Variants in GRID2 observed in about 807,000 individuals in gnomAD.
GRID2 encodes glutamate ionotropic receptor delta type subunit 2, also known as glutamate receptor ionotropic, delta-2.
A neutral mutation model predicts 114.8 loss-of-function variants in GRID2; 33 were observed. The observed-to-expected ratio is 0.29, with a 90% confidence interval of 0.22 to 0.38. The LOEUF is 0.38. Among genes scored for constraint, GRID2 ranks in the 10% least tolerant of loss-of-function variants. The pLI is 1.00. For synonymous variants in GRID2, 505 were observed against 449.9 expected (o/e 1.12, Z -1.55); for missense variants, 1,184 against 1,257.7 (o/e 0.94, Z 0.89).
chr4:93,597,744 T>C (rs1739245368), intron 13 of GRID2, among the ~76,000 whole-genome samples: 1 of 152,214 alleles, frequency 6.6e-6, no homozygotes, highest in African/African-American at 2.4e-5. Flanking sequence ...TGCTTCTTTC[T>C]ACTTCTTTTG....
chr4:92,806,652 TATTAATA>T (rs1237726774), intron 2 of GRID2, among the ~76,000 whole-genome samples: 6 of 151,942 alleles, frequency 3.9e-5, no homozygotes, highest in African/African-American at 1.4e-4. Context: ...TAATCTAAGA[TATTAATA>T]ATTATTATTT....
At chr4:93,775,087 C>T (rs983532802), downstream of GRID2, among the ~76,000 whole-genome samples, 8 of 150,212 alleles carry the variant, frequency 5.3e-5, no homozygotes, top group East Asian at 3.9e-4. Flanking sequence ...ATTCTTCCAG[C>T]GTTTAACACA....
chr4:93,071,410 G>A (rs1728792470), intron 2 of GRID2, among the ~76,000 whole-genome samples: 1 of 152,006 alleles, frequency 6.6e-6, no homozygotes, highest in Admixed American at 6.6e-5. Context: ...AACACATAAA[G>A]CTCCTGCTCT....
intron 1 of GRID2, among the ~76,000 whole-genome samples, chr4:92,577,472 C>A (rs1011999659): frequency 1.3e-5 from 2 of 152,134 alleles, no homozygotes; most frequent in African/African-American, 4.8e-5. Flanking sequence ...TGAACTTAGT[C>A]ATCTGGGCAG....
At chr4:92,622,005 CAT>C (rs1730300052) in intron 2 of GRID2, among the ~76,000 whole-genome samples, 1 of 151,650 alleles carries the variant, frequency 6.6e-6, no homozygotes, top group South Asian at 2.1e-4. Flanking sequence ...ATAGAACAAT[CAT>C]GTTTGTTATT....
chr4:92,316,887 A>C (rs763941837), intron 1 of GRID2, among the ~76,000 whole-genome samples: 15 of 152,198 alleles, frequency 9.9e-5, no homozygotes, highest in Non-Finnish European at 1.6e-4. Flanking sequence ...TATTGTAGCT[A>C]TAGGCTACAA....
At chr4:93,709,643 C>T (rs143430916) in intron 14 of GRID2, among the ~76,000 whole-genome samples, 33 of 152,232 alleles carry the variant, frequency 2.2e-4, no homozygotes, top group Non-Finnish European at 4.4e-4. Context: ...GAAAGATCTG[C>T]GTTATTGTCC....
chr4:92,664,534 T>C (rs892595975), intron 2 of GRID2, among the ~76,000 whole-genome samples: 6 of 151,156 alleles, frequency 4.0e-5, no homozygotes, highest in Non-Finnish European at 8.9e-5. Flanking sequence ...TTGTTGGGTA[T>C]CATGTTCTTT....
chr4:93,099,308 C>A (rs1731500132), intron 3 of GRID2, among the ~76,000 whole-genome samples: 1 of 151,180 alleles, frequency 6.6e-6, no homozygotes, highest in South Asian at 2.1e-4. Flanking sequence ...TAGAACATAC[C>A]CTTTGAAAGT....
At chr4:93,702,560 C>T (rs1394114217) in intron 14 of GRID2, among the ~76,000 whole-genome samples, 1 of 152,064 alleles carries the variant, frequency 6.6e-6, no homozygotes, top group East Asian at 1.9e-4. Flanking sequence ...GTACATATCT[C>T]CTTTGGCATG....
At position 92,369,263 on chromosome 4, in the gene GRID2, TC is replaced by T. The variant is rs200331106; in HGVS notation, c.88+64523del. Among the ~76,000 whole-genome samples the T allele has an allele frequency of 9.5e-4, 144 of 152,220 alleles. 2 individuals are homozygous for T. The East Asian group carries it at 0.024, about 25-fold the overall frequency. ...AAGAAAGAATTTCCCCTCATACATG[TC>T]CCCTTCACAGAGATTCCCCTAATGT... is the stretch of plus-strand genomic sequence containing the variant. On this transcript the variant is annotated intron_variant, in intron 1 of 15. Transcript: ENST00000282020.
At chr4:93,158,949 C>T (rs529824158) in intron 4 of GRID2, among the ~76,000 whole-genome samples, 180 of 151,754 alleles carry the variant, frequency 1.2e-3, no homozygotes, top group African/African-American at 4.1e-3. Context: ...TTAAAAACCA[C>T]TCATTTTTAT....
At chr4:93,255,653 G>A (rs527746329) in intron 8 of GRID2, among the ~76,000 whole-genome samples, 1 of 152,052 alleles carries the variant, frequency 6.6e-6, no homozygotes, top group Non-Finnish European at 1.5e-5. Flanking sequence ...TGTGCGAAGG[G>A]GTTATTATAA....
chr4:92,849,994 T>C (rs1203402393), intron 2 of GRID2, among the ~76,000 whole-genome samples: 1 of 151,468 alleles, frequency 6.6e-6, no homozygotes, highest in Non-Finnish European at 1.5e-5. Context: ...TCACATGATA[T>C]GCCACAAATT....
intron 14 of GRID2, among the ~76,000 whole-genome samples, chr4:93,634,203 G>T (rs1578448122): frequency 1.3e-5 from 2 of 152,182 alleles, no homozygotes; most frequent in East Asian, 3.9e-4. Context: ...ATCAGTGAAG[G>T]TTAGAATAAA....
chr4:92,384,967 G>T (rs1320467327), intron 1 of GRID2, among the ~76,000 whole-genome samples: 1 of 150,906 alleles, frequency 6.6e-6, no homozygotes, highest in Non-Finnish European at 1.5e-5. Flanking sequence ...TACACAATGG[G>T]CTTGTCACAT....
intron 14 of GRID2, among the ~76,000 whole-genome samples, chr4:93,741,959 T>TGTTCATGTG (rs1731458412): frequency 6.6e-6 from 1 of 151,956 alleles, no homozygotes; most frequent in Non-Finnish European, 1.5e-5. Flanking sequence ...GTGGTGTGTT[T>TGTTCATGTG]GTTCATGTGT....
intron 2 of GRID2, among the ~76,000 whole-genome samples, chr4:92,729,008 C>A (rs1222324678): frequency 6.6e-6 from 1 of 151,786 alleles, no homozygotes; most frequent in Non-Finnish European, 1.5e-5. Context: ...TACACCTCAA[C>A]TAGGTATTCA....
chr4:93,783,258 GAC>G (rs1734518757), intron 1 of GRID2, among the ~76,000 whole-genome samples: 1 of 152,186 alleles, frequency 6.6e-6, no homozygotes, highest in Admixed American at 6.5e-5. Flanking sequence ...TGCTATTGTT[GAC>G]ACTAATTTAG....
Sources: allele counts gnomAD v4.1 joint callset (sites outside exome capture counted in the v4.1 genomes callset), GRCh38; gene constraint gnomAD v4.1.1; transcripts MANE v1.5; gene names NCBI Gene and HGNC (gene_info 2026-07-23, HGNC 2026-07-21).